The following IL1RAP variants were observed in gnomAD, a reference collection of about 807,000 sequenced individuals.
IL1RAP encodes interleukin-1 receptor accessory protein.
Under a neutral mutation model 60.7 loss-of-function variants are expected in IL1RAP, and 35 were observed. That is an observed-to-expected ratio of 0.58 (90% CI 0.44 to 0.76). The LOEUF is 0.76. IL1RAP is among the 30% of genes least tolerant of loss of function. The probability of loss-of-function intolerance (pLI) is 0.00; values close to 1 mark genes in which losing one functional copy is unlikely to be tolerated. For missense variants in IL1RAP, 572 were observed against 693.9 expected, an observed-to-expected ratio of 0.82 and a Z score of 1.97; for synonymous variants, 268 against 250.9, an observed-to-expected ratio of 1.07 and a Z score of -0.64.
exon 12 of IL1RAP, chr3:190,656,637 T>C: frequency 7.7e-7 from 1 of 1,305,130 alleles, no homozygotes; most frequent in Non-Finnish European, 1.0e-6. Context: ...GTGGCTACTA[T>C]CTCTACCAAC....
At chr3:190,528,629 C>G (rs1722711483) in intron 1 of IL1RAP, among the ~76,000 whole-genome samples, 1 of 152,142 alleles carries the variant, frequency 6.6e-6, no homozygotes, top group Admixed American at 6.5e-5. Flanking sequence ...AGCAAATACA[C>G]AAACACAACT....
chr3:190,605,906 A>G (rs1370327864), intron 4 of IL1RAP, among the ~76,000 whole-genome samples: 2 of 152,200 alleles, frequency 1.3e-5, no homozygotes, highest in Non-Finnish European at 2.9e-5. Context: ...GGGTTGGGTG[A>G]CACAACTCAG....
intron 3 of IL1RAP, among the ~76,000 whole-genome samples, chr3:190,594,364 C>T (rs1454906403): frequency 6.6e-6 from 1 of 152,206 alleles, no homozygotes; most frequent in East Asian, 1.9e-4. Context: ...AAGGTCCCAC[C>T]TCCTTTCACT....
Position 190,540,226 on chromosome 3 carries a change from A to G in IL1RAP, c.-88-15904A>G, listed in dbSNP as rs80216040. Among the ~76,000 whole-genome samples the G allele has an allele frequency of 6.5e-3, 988 of 152,076 alleles. 6 individuals are homozygous for G. The highest frequency in any genetic ancestry group is 0.022 in the African/African-American group (928 of 41,514). On this transcript the variant is annotated intron_variant, in intron 1 of 11. Coordinates refer to ENST00000447382, the MANE Select transcript of IL1RAP (RefSeq NM_002182.4). ...CTCGTTACTTGTTTTTCCCATTCACATATCCCTCTCTCTCTTCTCTCTTCC... is the reference window on the plus strand; with the variant it reads ...CTCGTTACTTGTTTTTCCCATTCACGTATCCCTCTCTCTCTTCTCTCTTCC...
At position 190,521,661 on chromosome 3, in the gene IL1RAP, G is replaced by A. The variant is rs370617734; in HGVS notation, c.-89+7442G>A. ...TGAGAATTACAACCGGGTACTGCAC[G>A]GAGAGTCAGATCCATAAAGAACCCT... On this transcript the variant is annotated intron_variant, in intron 1 of 11. Coordinates refer to ENST00000447382, the MANE Select transcript of IL1RAP (RefSeq NM_002182.4). Among the ~76,000 whole-genome samples, 46 of 152,044 alleles carry A rather than the reference G, an allele frequency of 3.0e-4. 1 individual carries two copies. The highest frequency in any genetic ancestry group is 9.6e-4 in the African/African-American group (40 of 41,492).
intron 3 of IL1RAP, among the ~76,000 whole-genome samples, chr3:190,572,894 C>T (rs1315987726): frequency 1.0e-4 from 3 of 28,756 alleles, no homozygotes; most frequent in Non-Finnish European, 2.0e-4. Context: ...GACGGAGTCT[C>T]GCTCTGTCGC....
chr3:190,584,335 A>T (rs1354563074), intron 3 of IL1RAP, among the ~76,000 whole-genome samples: 1 of 152,188 alleles, frequency 6.6e-6, no homozygotes, highest in African/African-American at 2.4e-5. Context: ...GTAAACGTCT[A>T]TATACAGGCT....
chr3:190,603,111 G>A (rs574207618), intron 3 of IL1RAP, among the ~76,000 whole-genome samples: 3 of 152,238 alleles, frequency 2.0e-5, no homozygotes, highest in African/African-American at 7.2e-5. Context: ...CACAAGGACA[G>A]TGCAGATTGG....
intron 1 of IL1RAP, among the ~76,000 whole-genome samples, chr3:190,546,203 T>G (rs1724357621): frequency 6.6e-6 from 1 of 152,204 alleles, no homozygotes; most frequent in African/African-American, 2.4e-5. Flanking sequence ...TTGCATTTTT[T>G]TCAGTTAAGT....
chr3:190,635,015 G>A (rs910202184), intron 9 of IL1RAP, among the ~76,000 whole-genome samples: 5 of 151,966 alleles, frequency 3.3e-5, no homozygotes, highest in Admixed American at 1.3e-4. Flanking sequence ...GTGCCCGGCC[G>A]TTGTTTTCTT....
At chr3:190,658,829 A>T (rs1309670930) in exon 12 of IL1RAP, 1 of 152,246 alleles carries the variant, frequency 6.6e-6, no homozygotes, top group East Asian at 1.9e-4. Flanking sequence ...AGATGGGGGA[A>T]CAAGGGCCCC....
At chr3:190,588,954 T>C (rs546540874) in intron 3 of IL1RAP, among the ~76,000 whole-genome samples, 2 of 152,310 alleles carry the variant, frequency 1.3e-5, no homozygotes, top group Middle Eastern at 3.4e-3. Flanking sequence ...GCAGAAGTAA[T>C]GTTCATGATA....
chr3:190,573,711 C>A (rs1267847276), intron 3 of IL1RAP, among the ~76,000 whole-genome samples: 1 of 152,100 alleles, frequency 6.6e-6, no homozygotes, highest in Non-Finnish European at 1.5e-5. Context: ...AGCCATGAAG[C>A]ATTTTACAGT....
At chr3:190,521,220 A>T (rs1174846300) in intron 1 of IL1RAP, among the ~76,000 whole-genome samples, 3 of 152,198 alleles carry the variant, frequency 2.0e-5, no homozygotes, top group African/African-American at 7.2e-5. Flanking sequence ...AGGTTGAAAT[A>T]ATAACAGCTT....
chr3:190,624,573 TAGTC>T (rs1196884881), intron 7 of IL1RAP: 1 of 153,704 alleles, frequency 6.5e-6, no homozygotes, highest in Non-Finnish European at 1.5e-5. Flanking sequence ...CTAAAGATAA[TAGTC>T]AGTTGTTAAT....
At chr3:190,584,795 A>ATTTTC (rs892860698) in intron 3 of IL1RAP, among the ~76,000 whole-genome samples, 93 of 151,874 alleles carry the variant, frequency 6.1e-4, no homozygotes, top group African/African-American at 2.2e-3. Flanking sequence ...CTAACCTTTA[A>ATTTTC]TTTTCTTGTT....
chr3:190,609,791 C>G (rs562344013), intron 5 of IL1RAP, among the ~76,000 whole-genome samples: 2 of 152,280 alleles, frequency 1.3e-5, no homozygotes, highest in Admixed American at 1.3e-4. Context: ...TAGGAACCAC[C>G]TTTGATAAAG....
Position 190,615,519 on chromosome 3 carries a change from C to T in IL1RAP, c.538-4756C>T, listed in dbSNP as rs1486572802. On this transcript the variant is annotated intron_variant, in intron 5 of 11. Coordinates refer to ENST00000447382, the MANE Select transcript of IL1RAP (RefSeq NM_002182.4). ...CTTATAAAAGCATAGACAATTTTCTCACCGAGGATCAAAAGAACCATTTTA... is the reference window on the plus strand; with the variant it reads ...CTTATAAAAGCATAGACAATTTTCTTACCGAGGATCAAAAGAACCATTTTA... Among the ~76,000 whole-genome samples the T allele has an allele frequency of 3.3e-5, 5 of 152,142 alleles. No homozygotes were observed. In the South Asian group the frequency reaches 6.2e-4, roughly 19 times the overall value.
chr3:190,598,250 C>G (rs945343743), intron 3 of IL1RAP, among the ~76,000 whole-genome samples: 1 of 152,138 alleles, frequency 6.6e-6, no homozygotes, highest in Non-Finnish European at 1.5e-5. Flanking sequence ...GCAGTGACAT[C>G]TTATTTTATC....
Sources: allele counts gnomAD v4.1 joint callset (sites outside exome capture counted in the v4.1 genomes callset), GRCh38; gene constraint gnomAD v4.1.1; transcripts MANE v1.5; gene names NCBI Gene and HGNC (gene_info 2026-07-23, HGNC 2026-07-21).